The following AK5 variants were observed in gnomAD, a reference collection of about 807,000 sequenced individuals.
AK5 encodes the protein adenylate kinase 5.
In AK5, 27 loss-of-function variants were observed where a neutral mutation model predicts 69.5. The ratio of observed to expected loss-of-function variants is 0.39; its 90% CI spans 0.29 to 0.54. The LOEUF (loss-of-function observed/expected upper bound fraction) is 0.54. Among genes scored for constraint, AK5 ranks in the 20% least tolerant of loss-of-function variants. The pLI is 0.71. For synonymous variants in AK5, 260 were observed against 244.4 expected (o/e 1.06, Z -0.60); for missense variants, 531 against 700.4 (o/e 0.76, Z 2.73).
At chr1:77,447,649 T>C (rs553935560) in intron 8 of AK5, among the ~76,000 whole-genome samples, 5 of 152,366 alleles carry the variant, frequency 3.3e-5, no homozygotes, top group African/African-American at 1.2e-4. Flanking sequence ...GAATGCCAAG[T>C]AATTCTGAAG....
chr1:77,449,458 T>C (rs193042430), intron 8 of AK5, among the ~76,000 whole-genome samples: 32 of 152,328 alleles, frequency 2.1e-4, no homozygotes, highest in African/African-American at 7.7e-4. Flanking sequence ...TATACCTCCA[T>C]TGTGTCTGGG....
intron 13 of AK5, among the ~76,000 whole-genome samples, chr1:77,556,070 AAG>A (rs1383872821): frequency 6.6e-6 from 1 of 152,236 alleles, no homozygotes; most frequent in Non-Finnish European, 1.5e-5. Flanking sequence ...AGAGGGGAAA[AAG>A]AACTTTAAAA....
At chr1:77,340,831 G>T in intron 6 of AK5, 1 of 327,698 alleles carries the variant, frequency 3.1e-6, no homozygotes, top group Non-Finnish European at 5.6e-6. Context: ...TAGTCCTCAA[G>T]TAAAAAAGTG....
intron 13 of AK5, among the ~76,000 whole-genome samples, chr1:77,544,415 A>T (rs1360029512): frequency 6.6e-6 from 1 of 152,126 alleles, no homozygotes; most frequent in Non-Finnish European, 1.5e-5. Flanking sequence ...AGCTTTTAAA[A>T]TTTTTTCACT....
chr1:77,516,436 A>G (rs1050604023), intron 10 of AK5, among the ~76,000 whole-genome samples: 1 of 152,156 alleles, frequency 6.6e-6, no homozygotes, highest in African/African-American at 2.4e-5. Flanking sequence ...CAGAAAAAAA[A>G]AAGATTATGT....
intron 6 of AK5, among the ~76,000 whole-genome samples, chr1:77,344,400 T>C (rs1273853602): frequency 6.6e-6 from 1 of 152,226 alleles, no homozygotes; most frequent in Admixed American, 6.5e-5. Context: ...TGAAGTTGGA[T>C]GTAATTTCTC....
chr1:77,304,225 T>A (rs1659503689), intron 5 of AK5, among the ~76,000 whole-genome samples: 1 of 152,092 alleles, frequency 6.6e-6, no homozygotes, highest in Admixed American at 6.6e-5. Context: ...CTCCATGACT[T>A]CAATTGTTTT....
chr1:77,430,202 T>C (rs963880558), intron 8 of AK5, among the ~76,000 whole-genome samples: 3 of 148,802 alleles, frequency 2.0e-5, no homozygotes, highest in African/African-American at 7.5e-5. Flanking sequence ...CAAACAAGAG[T>C]TGATGGTGAC....
intron 12 of AK5, among the ~76,000 whole-genome samples, chr1:77,526,841 G>A (rs560711689): frequency 3.0e-4 from 46 of 151,112 alleles, no homozygotes; most frequent in Admixed American, 1.3e-4. Context: ...TCAAATGATC[G>A]AGGACAAGAT....
At chr1:77,532,622 A>T (rs904809463) in intron 12 of AK5, among the ~76,000 whole-genome samples, 12 of 152,240 alleles carry the variant, frequency 7.9e-5, no homozygotes, top group Non-Finnish European at 1.5e-4. Context: ...CAGAGGGCTT[A>T]TGGGATGGCT....
Position 77,551,154 on chromosome 1 carries a change from G to A in AK5, c.1621-7448G>A, listed in dbSNP as rs1431939666. Among the ~76,000 whole-genome samples, 4 of 152,218 alleles carry A rather than the reference G, an allele frequency of 2.6e-5. No homozygotes were observed. The East Asian group carries it at 5.8e-4, about 22-fold the overall frequency. ...ATCATACCATTGCACTCCAGCCTGG[G>A]AGACAAGAGCGAAACTCCATCTCAA... On this transcript the variant is annotated intron_variant, in intron 13 of 13. Transcript: ENST00000354567.
At chr1:77,530,645 G>A (rs984487000) in intron 12 of AK5, among the ~76,000 whole-genome samples, 4 of 152,190 alleles carry the variant, frequency 2.6e-5, no homozygotes, top group African/African-American at 9.6e-5. Context: ...AAGTGAGTCA[G>A]GCGCTTTACA....
intron 12 of AK5, among the ~76,000 whole-genome samples, chr1:77,529,431 T>A (rs1658460359): frequency 6.6e-6 from 1 of 151,140 alleles, no homozygotes; most frequent in Non-Finnish European, 1.5e-5. Context: ...CCTCCTGGGC[T>A]CAAGTGATTC....
intron 8 of AK5, among the ~76,000 whole-genome samples, chr1:77,470,852 TATATATATATATATATA>T (rs1417914484): frequency 0.19 from 6,119 of 32,382 alleles, 1,149 homozygotes; most frequent in Non-Finnish European, 0.2. Flanking sequence ...TATATATATA[TATATATATATATATATA>T]TATATATTTT....
chr1:77,308,409 A>G (rs1490414445), intron 5 of AK5, among the ~76,000 whole-genome samples: 1 of 146,000 alleles, frequency 6.8e-6, no homozygotes, highest in Non-Finnish European at 1.5e-5. Flanking sequence ...ACGGCACTCC[A>G]GCCTGGGCGA....
intron 10 of AK5, among the ~76,000 whole-genome samples, chr1:77,516,457 T>C (rs889271851): frequency 1.3e-5 from 2 of 151,606 alleles, no homozygotes; most frequent in Admixed American, 6.6e-5. Context: ...GAGGTGGAGG[T>C]TTATTAACTT....
intron 8 of AK5, among the ~76,000 whole-genome samples, chr1:77,480,370 T>C (rs1028516558): frequency 3.3e-5 from 5 of 152,162 alleles, no homozygotes; most frequent in Admixed American, 1.3e-4. Flanking sequence ...CTGGGGCTCA[T>C]GTGAAACATT....
chr1:77,498,842 C>T (rs1303933732), intron 10 of AK5, among the ~76,000 whole-genome samples: 2 of 152,138 alleles, frequency 1.3e-5, no homozygotes, highest in African/African-American at 4.8e-5. Flanking sequence ...TGTTTGTTTC[C>T]TCAATGTTTC....
chr1:77,464,313 T>C (rs1654013566), intron 8 of AK5, among the ~76,000 whole-genome samples: 1 of 152,194 alleles, frequency 6.6e-6, no homozygotes, highest in Admixed American at 6.5e-5. Context: ...TCCTTCCTGC[T>C]GCAAAGGGTG....
Sources: gnomAD v4.1 joint callset for allele counts (sites outside exome capture counted in the v4.1 genomes callset) on GRCh38, gnomAD v4.1.1 for gene constraint, MANE v1.5 for transcripts, NCBI Gene and HGNC (gene_info 2026-07-23, HGNC 2026-07-21) for gene names.